CLIC4: variants seen among roughly 807,000 people sequenced by gnomAD.
The protein encoded by CLIC4 is chloride intracellular channel protein 4.
CLIC4 carries 13 observed loss-of-function variants against 24.6 expected under a neutral mutation model. That is an observed-to-expected ratio of 0.53 (90% confidence interval 0.34 to 0.84). The LOEUF (loss-of-function observed/expected upper bound fraction) is 0.84, where lower values mean the gene tolerates loss of function less well. Among genes scored for constraint, CLIC4 ranks in the 40% least tolerant of loss-of-function variants. CLIC4 has a pLI of 0.01. For missense variants in CLIC4, 227 were observed against 301.7 expected, an observed-to-expected ratio of 0.75 and a Z score of 1.83; for synonymous variants, 104 against 111.3, an observed-to-expected ratio of 0.93 and a Z score of 0.41.
At chr1:24,745,950 G>A (rs997332143) in intron 1 of CLIC4, among the ~76,000 whole-genome samples, 2 of 150,300 alleles carry the variant, frequency 1.3e-5, no homozygotes, top group African/African-American at 2.4e-5. Flanking sequence ...GGGCCCCAGC[G>A]CCGGGCGCGC....
At chr1:24,773,180 A>G (rs948808909) in intron 1 of CLIC4, among the ~76,000 whole-genome samples, 1 of 152,244 alleles carries the variant, frequency 6.6e-6, no homozygotes, top group Admixed American at 6.5e-5. Context: ...CTTAAAAAGA[A>G]AAAACTTTCT....
intron 1 of CLIC4, among the ~76,000 whole-genome samples, chr1:24,771,009 A>G (rs2124101468): frequency 6.6e-6 from 1 of 152,292 alleles, no homozygotes; most frequent in Non-Finnish European, 1.5e-5. Context: ...GGACTTTGAA[A>G]AGTCCCCCAA....
intron 1 of CLIC4, among the ~76,000 whole-genome samples, chr1:24,776,075 C>A (rs1373794863): frequency 6.6e-6 from 1 of 152,190 alleles, no homozygotes; most frequent in Non-Finnish European, 1.5e-5. Flanking sequence ...GTTCTCTTAG[C>A]TGGCCTACTT....
At chr1:24,816,630 T>C (rs1639673273) in intron 3 of CLIC4, among the ~76,000 whole-genome samples, 1 of 152,206 alleles carries the variant, frequency 6.6e-6, no homozygotes, top group African/African-American at 2.4e-5. Flanking sequence ...AATCACTTTC[T>C]ATGGCCTTAT....
rs1639166034 is a variant in CLIC4, at chr1:24,778,409, A to G, written c.73-19333A>G. ...CAAAATACACTACTCAATACATAGT[A>G]GCTTTTAACTTGTTTCTGGACCATT... On this transcript the variant is annotated intron_variant, in intron 1 of 5. Coordinates refer to ENST00000374379, the MANE Select transcript of CLIC4 (RefSeq NM_013943.3). Among the ~76,000 whole-genome samples the G allele has an allele frequency of 2.6e-5, 4 of 152,340 alleles. No individual in the cohort carries two copies. The South Asian group carries it at 6.2e-4, about 24-fold the overall frequency.
chr1:24,815,876 C>G (rs758362859), intron 3 of CLIC4, among the ~76,000 whole-genome samples: 4 of 152,182 alleles, frequency 2.6e-5, no homozygotes, highest in African/African-American at 4.8e-5. Flanking sequence ...CTGAAACCCT[C>G]CTGCTGTTTT....
chr1:24,800,927 G>A (rs1024338290), intron 2 of CLIC4, among the ~76,000 whole-genome samples: 3 of 150,262 alleles, frequency 2.0e-5, no homozygotes, highest in Non-Finnish European at 4.5e-5. Flanking sequence ...CAAACACTGC[G>A]GAAGGCCGCA....
intron 3 of CLIC4, among the ~76,000 whole-genome samples, chr1:24,816,309 G>A (rs920481340): frequency 5.4e-5 from 7 of 130,570 alleles, no homozygotes; most frequent in Non-Finnish European, 9.2e-5. Flanking sequence ...ATGCGATCTC[G>A]GCTCACTGCA....
chr1:24,776,307 T>C (rs998987915), intron 1 of CLIC4, among the ~76,000 whole-genome samples: 16 of 152,202 alleles, frequency 1.1e-4, no homozygotes, highest in African/African-American at 3.6e-4. Context: ...CCCTACATGG[T>C]GCAAGGCTAA....
intron 3 of CLIC4, among the ~76,000 whole-genome samples, chr1:24,820,681 T>G (rs1486957054): frequency 6.6e-6 from 1 of 150,422 alleles, no homozygotes; most frequent in African/African-American, 2.4e-5. Context: ...GTATCAACAT[T>G]AAATTATAAA....
intron 2 of CLIC4, among the ~76,000 whole-genome samples, chr1:24,809,238 G>T (rs1171104772): frequency 6.6e-6 from 1 of 152,048 alleles, no homozygotes; most frequent in Non-Finnish European, 1.5e-5. Flanking sequence ...CTAGAACTTG[G>T]ACTTTGAGTT....
At position 24,749,626 on chromosome 1, in the gene CLIC4, C is replaced by G. The variant is rs1571225927; in HGVS notation, c.72+4001C>G. On this transcript the variant is annotated intron_variant, in intron 1 of 5. Transcript: ENST00000374379. ...TGGTTTGTTTTTGTTTTGTTTTACC[C>G]TCAACATCTGGAGGATAGATAGGAT... Among the ~76,000 whole-genome samples, 9 of 152,110 alleles carry G rather than the reference C, an allele frequency of 5.9e-5. No individual in the cohort carries two copies. In the South Asian group the frequency reaches 1.9e-3, roughly 31 times the overall value.
intron 4 of CLIC4, among the ~76,000 whole-genome samples, chr1:24,830,068 A>G (rs774322315): frequency 2.0e-5 from 3 of 152,190 alleles, no homozygotes; most frequent in Non-Finnish European, 4.4e-5. Context: ...TTGTTTTTCA[A>G]TAACCGAAGT....
intron 2 of CLIC4, among the ~76,000 whole-genome samples, chr1:24,805,753 C>G (rs1331454067): frequency 6.6e-6 from 1 of 152,196 alleles, no homozygotes; most frequent in Non-Finnish European, 1.5e-5. Context: ...GCAGCTGGAA[C>G]TGAGTCACCA....
intron 3 of CLIC4, among the ~76,000 whole-genome samples, chr1:24,822,579 C>T (rs568219702): frequency 6.6e-6 from 1 of 151,864 alleles, no homozygotes; most frequent in Admixed American, 6.6e-5. Context: ...TCAAGTGATC[C>T]GACCTCCTTG....
intron 2 of CLIC4, among the ~76,000 whole-genome samples, chr1:24,800,892 C>A (rs139121173): frequency 6.3e-5 from 6 of 94,812 alleles, no homozygotes; most frequent in Admixed American, 2.5e-4. Flanking sequence ...GTCATCACCA[C>A]TCCCTAATCT....
intron 1 of CLIC4, among the ~76,000 whole-genome samples, chr1:24,783,856 G>A (rs1276729647): frequency 6.6e-6 from 1 of 152,174 alleles, no homozygotes; most frequent in Non-Finnish European, 1.5e-5. Context: ...TTTAAGACAT[G>A]ATAGCGTGAA....
intron 3 of CLIC4, among the ~76,000 whole-genome samples, chr1:24,824,452 G>C (rs559201650): frequency 1.3e-4 from 20 of 152,178 alleles, no homozygotes; most frequent in African/African-American, 4.8e-4. Flanking sequence ...ATTTTTAGTG[G>C]AGACAGAGTT....
At chr1:24,798,404 G>A (rs1409877290) in intron 2 of CLIC4, among the ~76,000 whole-genome samples, 1 of 152,116 alleles carries the variant, frequency 6.6e-6, no homozygotes, top group Admixed American at 6.5e-5. Flanking sequence ...GTGGCCCGGT[G>A]TCTGTTCTTG....
Sources: allele counts gnomAD v4.1 joint callset (sites outside exome capture counted in the v4.1 genomes callset), GRCh38; gene constraint gnomAD v4.1.1; transcripts MANE v1.5; gene names NCBI Gene and HGNC (gene_info 2026-07-23, HGNC 2026-07-21).